The following PLD1 variants were observed in gnomAD, a reference collection of about 807,000 sequenced individuals.
PLD1 encodes the protein phospholipase D1, also known as choline phosphatase 1.
A neutral mutation model predicts 137.1 loss-of-function variants in PLD1; 112 were observed. The ratio of observed to expected loss-of-function variants is 0.82; its 90% CI spans 0.70 to 0.96. The LOEUF is 0.96. PLD1 is among the 40% of genes least tolerant of loss of function. PLD1 has a pLI of 0.00. For missense variants in PLD1, 1,321 were observed against 1,342.0 expected (o/e 0.98, Z 0.24); for synonymous variants, 431 against 454.7 (o/e 0.95, Z 0.66).
chr3:171,756,238 T>C (rs1721017222), intron 1 of PLD1, among the ~76,000 whole-genome samples: 1 of 152,232 alleles, frequency 6.6e-6, no homozygotes, highest in Admixed American at 6.5e-5. Context: ...GTCCTAGAGC[T>C]AAAAAGTCTT....
chr3:171,748,582 C>G (rs1720430822), intron 1 of PLD1, among the ~76,000 whole-genome samples: 1 of 152,050 alleles, frequency 6.6e-6, no homozygotes, highest in Non-Finnish European at 1.5e-5. Flanking sequence ...CAAACACTCT[C>G]CAGTGCTGAT....
At chr3:171,706,062 T>C in intron 11 of PLD1, among the ~76,000 whole-genome samples, 1 of 152,148 alleles carries the variant, frequency 6.6e-6, no homozygotes, top group East Asian at 1.9e-4. Context: ...ACTTTTAAAC[T>C]TTTGGACCAT....
intron 18 of PLD1, 61 bp from the exon 19 acceptor site, chr3:171,674,674 T>C: frequency 1.0e-6 from 1 of 994,138 alleles, no homozygotes; most frequent in Admixed American, 2.0e-5. Flanking sequence ...CTCCCTACTT[T>C]GTGATTATAA....
At chr3:171,769,144 G>C (rs928583516) in intron 1 of PLD1, among the ~76,000 whole-genome samples, 1 of 152,106 alleles carries the variant, frequency 6.6e-6, no homozygotes, top group African/African-American at 2.4e-5. Flanking sequence ...CTAAAATCTG[G>C]TTTTTAGGGA....
chr3:171,600,885 C>T lies in PLD1; in HGVS notation c.*2193G>A, dbSNP rs1294280515. 6.6e-6 allele frequency: 1 copy of T among 152,168 alleles called. No homozygotes were observed. Among genetic ancestry groups the T allele is most frequent in the Non-Finnish European group, 1.5e-5 (1 of 68,032 alleles). The allele number at this position is 152,168 out of a possible 1,614,324, so 9.4% of individuals were successfully genotyped here. On this transcript the variant is annotated 3_prime_UTR_variant, in exon 27 of 27. Coordinates refer to ENST00000351298, the MANE Select transcript of PLD1 (RefSeq NM_002662.5). ...TATTAATTCTACAAGCATTTATTGC[C>T]ATCTCCTATGTGCCAAGCACTGGTC...
At chr3:171,651,541 G>A (rs965776731) in intron 21 of PLD1, among the ~76,000 whole-genome samples, 1 of 152,152 alleles carries the variant, frequency 6.6e-6, no homozygotes, top group Non-Finnish European at 1.5e-5. Context: ...CACTAGAAAT[G>A]CTGGCCCTAT....
chr3:171,750,180 G>A (rs1045020523), intron 1 of PLD1, among the ~76,000 whole-genome samples: 8 of 152,280 alleles, frequency 5.3e-5, no homozygotes, highest in Non-Finnish European at 7.3e-5. Flanking sequence ...AATGCTCAAG[G>A]ATGTAAAGGA....
intron 1 of PLD1, chr3:171,765,152 A>G (rs1176482802): frequency 7.2e-5 from 11 of 152,192 alleles, no homozygotes; most frequent in African/African-American, 2.7e-4. Context: ...AACTCTGTAG[A>G]TATTCAAAAA....
intron 1 of PLD1, among the ~76,000 whole-genome samples, chr3:171,751,594 G>A (rs1720663989): frequency 1.3e-5 from 2 of 152,188 alleles, no homozygotes; most frequent in South Asian, 4.1e-4. Flanking sequence ...GAAACAATGA[G>A]ATACTATTTT....
intron 1 of PLD1, among the ~76,000 whole-genome samples, chr3:171,752,596 TTCTTACCC>T (rs1054164985): frequency 2.0e-5 from 3 of 152,244 alleles, no homozygotes; most frequent in South Asian, 4.1e-4. Flanking sequence ...CTCCTAGTTC[TTCTTACCC>T]CACACTTCAG....
chr3:171,628,699 G>C (rs1246302229), intron 23 of PLD1, among the ~76,000 whole-genome samples: 5 of 150,958 alleles, frequency 3.3e-5, no homozygotes, highest in African/African-American at 4.9e-5. Context: ...ATGCAAGGCT[G>C]GTTCAATATA....
intron 1 of PLD1, among the ~76,000 whole-genome samples, chr3:171,808,444 G>A (rs1294550276): frequency 6.6e-6 from 1 of 152,130 alleles, no homozygotes; most frequent in Non-Finnish European, 1.5e-5. Flanking sequence ...GCTGAGGCAG[G>A]AGAATGGCGT....
At chr3:171,606,097 T>C (rs1732180296) in intron 25 of PLD1, among the ~76,000 whole-genome samples, 1 of 152,156 alleles carries the variant, frequency 6.6e-6, no homozygotes, top group African/African-American at 2.4e-5. Flanking sequence ...AGGTGAGGTA[T>C]GATGGTGGCT....
intron 1 of PLD1, among the ~76,000 whole-genome samples, chr3:171,756,597 G>C (rs543407371): frequency 6.6e-6 from 1 of 152,364 alleles, no homozygotes; most frequent in Admixed American, 6.5e-5. Context: ...CCAGGCTTAA[G>C]AATGCATAGG....
chr3:171,654,075 C>T (rs531909608), intron 21 of PLD1: 36 of 377,070 alleles, frequency 9.5e-5, no homozygotes, highest in South Asian at 1.9e-4. Context: ...CCGAGGTGGG[C>T]GGATCACTTG....
chr3:171,629,270 A>G (rs537544530), intron 23 of PLD1, among the ~76,000 whole-genome samples: 697 of 152,270 alleles, frequency 4.6e-3, no homozygotes, highest in Non-Finnish European at 8.3e-3. Flanking sequence ...CAATTGCTTC[A>G]AAGAGAATAA....
intron 16 of PLD1, among the ~76,000 whole-genome samples, chr3:171,685,944 C>T (rs1057500360): frequency 6.6e-6 from 1 of 151,946 alleles, no homozygotes; most frequent in Non-Finnish European, 1.5e-5. Context: ...CATGGCAAAA[C>T]CCCATTTCTA....
chr3:171,764,930 A>AAAGAAAGAAAGGAAGG lies in PLD1; in HGVS notation c.-31-26849_-31-26848insCCTTCCTTTCTTTCTT, dbSNP rs1721818109. On this transcript the variant is annotated intron_variant, in intron 1 of 26. Transcript: ENST00000351298. ...AAGGAAGGAAAGAAAGAAAGGAAAG[A>AAAGAAAGAAAGGAAGG]AAGGAAAGAAAGAAAGAAAGAAAGA... Among the ~76,000 whole-genome samples the AAAGAAAGAAAGGAAGG allele has an allele frequency of 5.4e-4, 15 of 27,622 alleles. 3 individuals are homozygous for AAAGAAAGAAAGGAAGG. The highest frequency in any genetic ancestry group is 2.1e-3 in the African/African-American group (15 of 7,126). The allele number at this position is 27,622 out of a possible 152,430, so 18.1% of individuals were successfully genotyped here.
At chr3:171,716,574 T>C (rs556708776) in intron 8 of PLD1, among the ~76,000 whole-genome samples, 7 of 152,234 alleles carry the variant, frequency 4.6e-5, no homozygotes, top group Non-Finnish European at 5.9e-5. Context: ...CTTTGCCCAC[T>C]TTTTAATGGA....
Sources: allele counts gnomAD v4.1 joint callset (sites outside exome capture counted in the v4.1 genomes callset), GRCh38; gene constraint gnomAD v4.1.1; transcripts MANE v1.5; gene names NCBI Gene and HGNC (gene_info 2026-07-23, HGNC 2026-07-21).